PLXNA2: variants seen among roughly 807,000 people sequenced by gnomAD.
PLXNA2 encodes plexin-A2.
Under a neutral mutation model 193.5 loss-of-function variants are expected in PLXNA2, and 91 were observed. The ratio of observed to expected loss-of-function variants is 0.47; its 90% CI spans 0.40 to 0.56. The LOEUF (loss-of-function observed/expected upper bound fraction) is 0.56, where lower values mean the gene tolerates loss of function less well. Among genes scored for constraint, PLXNA2 ranks in the 20% least tolerant of loss-of-function variants. The pLI, the probability that PLXNA2 is intolerant of heterozygous loss-of-function variation, is 0.00. For synonymous variants in PLXNA2, 997 were observed against 1,027.3 expected, an observed-to-expected ratio of 0.97 and a Z score of 0.56; for missense variants, 1,995 against 2,503.2, an observed-to-expected ratio of 0.80 and a Z score of 4.33.
At chr1:208,045,316 A>C in intron 18 of PLXNA2, 106 bp from the exon 19 acceptor site, 1 of 1,208,096 alleles carries the variant, frequency 8.3e-7, no homozygotes, top group Non-Finnish European at 1.2e-6. Flanking sequence ...GCAGTGCAAA[A>C]ACCAGGAAAT....
rs1333388290 is a variant in PLXNA2, at chr1:208,044,710, G to T, written c.3672C>A (p.Gly1224=). Residue 1224 remains glycine (G), a synonymous_variant, in exon 20 of 32, where the codon GGC becomes GGA. Transcript: ENST00000367033. The surrounding 1 kb of genome is among the most constrained non-coding windows in gnomAD (Gnocchi z 4.9). The part of the protein sequence containing the change: ...VHVGGMVFSP[G]SVSVISDSLL... ...AGCTGTCTGAGATGACACTCACCGA[G>T]CCAGGCGAGAACACCATCCCGCCCA... The T allele has an allele frequency of 1.2e-6, 2 of 1,614,050 alleles. No homozygotes were observed. The highest frequency in any genetic ancestry group is 3.3e-5 in the Admixed American group (2 of 60,026).
At chr1:208,120,588 C>T (rs926780587) in intron 4 of PLXNA2, among the ~76,000 whole-genome samples, 2 of 152,206 alleles carry the variant, frequency 1.3e-5, no homozygotes, top group Non-Finnish European at 2.9e-5. Flanking sequence ...CCCATCTAGG[C>T]ACATGCCTTG....
Position 208,216,719 on chromosome 1 carries a change from G to A in PLXNA2, c.1188+16C>T. The A allele has an allele frequency of 6.2e-7, 1 of 1,603,716 alleles. No homozygotes were observed. The highest frequency in any genetic ancestry group is 1.7e-4 in the Middle Eastern group (1 of 6,026). The stretch of plus-strand genomic sequence containing the variant: ...TGTCATGGAGCAGGAGCAGAGCGAG[G>A]TGTGTGCCTCCTTACCGCCTTGGTG... On this transcript the variant is annotated intron_variant, in intron 2 of 31. Coordinates refer to ENST00000367033, the MANE Select transcript of PLXNA2 (RefSeq NM_025179.4).
rs1379649130 is a variant in PLXNA2 at position 208,091,900 on chromosome 1, A to G, written c.2097+886T>C. Among the ~76,000 whole-genome samples, 3 of 151,896 alleles carry G rather than the reference A, an allele frequency of 2.0e-5. No homozygotes were observed. In the East Asian group the frequency reaches 5.8e-4, roughly 29 times the overall value. On this transcript the variant is annotated intron_variant, in intron 9 of 31. Coordinates refer to ENST00000367033, the MANE Select transcript of PLXNA2 (RefSeq NM_025179.4). ...AAAAAAAAAGACTGTAGTTGTATATAAAAATGCTACATTGTCACTTATTAC... is the reference window on the plus strand; with the variant it reads ...AAAAAAAAAGACTGTAGTTGTATATGAAAATGCTACATTGTCACTTATTAC...
chr1:208,107,844 C>T (rs1447255635), intron 4 of PLXNA2, among the ~76,000 whole-genome samples: 1 of 152,062 alleles, frequency 6.6e-6, no homozygotes, highest in African/African-American at 2.4e-5. Context: ...AGGCCCTTCT[C>T]CTGCCCCCTA....
intron 20 of PLXNA2, 151 bp from the exon 21 acceptor site, chr1:208,043,354 C>T (rs1664942797): frequency 1.6e-6 from 1 of 640,556 alleles, no homozygotes; most frequent in Non-Finnish European, 2.6e-6. Context: ...GGGGCTACTC[C>T]CAGCTGTTTT....
rs747060561 is a variant in PLXNA2 at position 208,217,216 on chromosome 1, A to T, written c.707T>A (p.Val236Asp). 6.2e-7 allele frequency: 1 copy of T among 1,614,128 alleles called. No individual in the cohort carries two copies. Among genetic ancestry groups the T allele is most frequent in the East Asian group, 2.2e-5 (1 of 44,870 alleles). ...IKIPSDTLAL[V>D]SHFDIFYIYG... ...GATGTAGAAGATGTCAAAGTGGGAGACCAGGGCCAGGGTGTCTGAAGGGAT... is the reference window on the plus strand; with the variant it reads ...GATGTAGAAGATGTCAAAGTGGGAGTCCAGGGCCAGGGTGTCTGAAGGGAT... The change falls in exon 2 of 32, where the codon GTC becomes GAC. Residue 236 changes from valine (V) to aspartate (D), a missense_variant. Transcript: ENST00000367033. This position sits in a 1 kb window ranked among gnomAD's most constrained non-coding sequence, Gnocchi z 4.7.
rs1664750722 is a variant in PLXNA2 at position 208,038,537 on chromosome 1, C to G, written c.4661-63G>C. The G allele has an allele frequency of 6.1e-6, 8 of 1,311,404 alleles. No homozygotes were observed. The highest frequency in any genetic ancestry group is 8.8e-6 in the Non-Finnish European group (8 of 905,178). 81.2% of individuals were successfully genotyped at this position (1,311,404 alleles called of 1,614,324 possible). On this transcript the variant is annotated intron_variant, in intron 25 of 31. Coordinates refer to ENST00000367033, the MANE Select transcript of PLXNA2 (RefSeq NM_025179.4). The surrounding 1 kb of genome is among the most constrained non-coding windows in gnomAD (Gnocchi z 4.1). Reference sequence around the variant, plus strand: ...GGATGAGGGCTGTGAGCCAGTGTCTCCCGATTGCACCTTCTCTAGGGACCT... The same window carrying G: ...GGATGAGGGCTGTGAGCCAGTGTCTGCCGATTGCACCTTCTCTAGGGACCT...
chr1:208,037,822 G>A (rs892552165), intron 26 of PLXNA2, among the ~76,000 whole-genome samples: 31 of 151,858 alleles, frequency 2.0e-4, no homozygotes, highest in East Asian at 5.8e-4. Context: ...ACAACTGTAC[G>A]GAGCAGGGTT....
At chr1:208,230,268 C>CAGCTGCCTCCCCAGACCCAGT (rs1671646637) in intron 1 of PLXNA2, 1 of 152,272 alleles carries the variant, frequency 6.6e-6, no homozygotes, top group African/African-American at 2.4e-5. Flanking sequence ...GGTGACCCAG[C>CAGCTGCCTCCCCAGACCCAGT]ACCTGCCTCC....
chr1:208,040,284 T>G, intron 22 of PLXNA2: 1 of 571,078 alleles, frequency 1.8e-6, no homozygotes, highest in African/African-American at 1.9e-5. Context: ...ATGGAGAGGT[T>G]GGCCTTTTCA....
rs995671864 is a variant in PLXNA2, at chr1:208,216,847, G to A, written c.1076C>T (p.Pro359Leu). 1 of 1,614,078 alleles carries A rather than the reference G, an allele frequency of 6.2e-7. No individual in the cohort carries two copies. The highest frequency in any genetic ancestry group is 1.3e-5 in the African/African-American group (1 of 74,930). Residue 359 changes from proline to leucine, a missense_variant, in exon 2 of 32, where the codon CCT becomes CTT. By Grantham distance (98) the Pro-to-Leu change is moderately conservative (BLOSUM62 -3). Around this residue, in one of 3 missense-constraint regions of PLXNA2, gnomAD observed 702 missense variants for 812.9 expected, o/e 0.86. Coordinates refer to ENST00000367033, the MANE Select transcript of PLXNA2 (RefSeq NM_025179.4). ...GATCTGCAAGTTGATGGCCCGGATA[G>A]GGAAGGCACACAGGGCAGAGTCATC... ...PPDDSALCAF[P>L]IRAINLQIKE...
At chr1:208,122,577 G>A (rs532146754) in intron 4 of PLXNA2, among the ~76,000 whole-genome samples, 3 of 152,116 alleles carry the variant, frequency 2.0e-5, no homozygotes, top group African/African-American at 4.8e-5. Context: ...ACTCTCTCTT[G>A]TTCCCTCTTC....
At chr1:208,093,673 G>A (rs1018206335) in intron 8 of PLXNA2, among the ~76,000 whole-genome samples, 36 of 152,202 alleles carry the variant, frequency 2.4e-4, no homozygotes, top group African/African-American at 8.4e-4. Context: ...ATAGTATTAA[G>A]TAGTAACTTT....
Position 208,038,111 on chromosome 1 carries a change from C to T in PLXNA2, c.4764+260G>A, listed in dbSNP as rs1352577889. ...GTTTTTTTGCAAATGTAGAGGTACACAGAATAGAAATGCCTAGGCCTTACC... is the reference window on the plus strand; with the variant it reads ...GTTTTTTTGCAAATGTAGAGGTACATAGAATAGAAATGCCTAGGCCTTACC... On this transcript the variant is annotated intron_variant, in intron 26 of 31. Transcript: ENST00000367033. This position sits in a 1 kb window ranked among gnomAD's most constrained non-coding sequence, Gnocchi z 4.1. 6.6e-6 allele frequency among the ~76,000 whole-genome samples: 1 copy of T among 152,134 alleles called. No homozygotes were observed. Among genetic ancestry groups the T allele is most frequent in the East Asian group, 1.9e-4 (1 of 5,198 alleles).
rs1244662783 is a variant in PLXNA2 at position 208,158,265 on chromosome 1, GTCTC to G, written c.1372-15806_1372-15803del. 2.6e-5 allele frequency among the ~76,000 whole-genome samples: 4 copies of G among 152,066 alleles called. No individual in the cohort carries two copies. In the East Asian group the frequency reaches 7.7e-4, roughly 29 times the overall value. On this transcript the variant is annotated intron_variant, in intron 3 of 31. Coordinates refer to ENST00000367033, the MANE Select transcript of PLXNA2 (RefSeq NM_025179.4). ...AAATCTCCTCTTAACACCCACCTGC[GTCTC>G]TCTTTCTCCTTCCCTTCCTTGTCTC... is the stretch of plus-strand genomic sequence containing the variant.
rs1222493707 is a variant in PLXNA2 at position 208,025,629 on chromosome 1, ACT to A, written c.*1612_*1613del. 2 of 152,044 alleles carry A rather than the reference ACT, an allele frequency of 1.3e-5. No homozygotes were observed. The highest frequency in any genetic ancestry group is 2.4e-5 in the African/African-American group (1 of 41,352). The allele number at this position is 152,044 out of a possible 1,614,324, so 9.4% of individuals were successfully genotyped here. The stretch of plus-strand genomic sequence containing the variant: ...CCAAGGTAATGTGGGAGGCCTGGAC[ACT>A]CTGATGGCTATCCTGGCCACCAAGG... On this transcript the variant is annotated 3_prime_UTR_variant, in exon 32 of 32. Coordinates refer to ENST00000367033, the MANE Select transcript of PLXNA2 (RefSeq NM_025179.4).
At chr1:208,086,608 T>C (rs1036523715) in intron 9 of PLXNA2, among the ~76,000 whole-genome samples, 1 of 151,984 alleles carries the variant, frequency 6.6e-6, no homozygotes, top group Non-Finnish European at 1.5e-5. Flanking sequence ...GCCACCTGCA[T>C]GTGAGGACTC....
chr1:208,039,103 G>A, intron 24 of PLXNA2, 119 bp from the exon 25 acceptor site: 1 of 867,712 alleles, frequency 1.2e-6, no homozygotes, highest in Non-Finnish European at 1.8e-6. Flanking sequence ...GGGAAATAAG[G>A]GTACTTTTCT....
Sources: gnomAD v4.1 joint callset for allele counts (sites outside exome capture counted in the v4.1 genomes callset) on GRCh38, gnomAD v4.1.1 for gene constraint, gnomAD v4.1.1 regional missense constraint, Gnocchi (gnomAD v3.1) non-coding constraint, MANE v1.5 for transcripts, NCBI Gene and HGNC (gene_info 2026-07-23, HGNC 2026-07-21) for gene names.